TTBK2: variants seen among roughly 807,000 people sequenced by gnomAD.
TTBK2 encodes tau-tubulin kinase 2.
In TTBK2, 28 loss-of-function variants were observed where a neutral mutation model predicts 110.8. The ratio of observed to expected loss-of-function variants is 0.25; its 90% CI spans 0.19 to 0.35. The LOEUF is 0.35. Among genes scored for constraint, TTBK2 ranks in the 10% least tolerant of loss-of-function variants. The probability of loss-of-function intolerance (pLI) is 1.00; values close to 1 mark genes in which losing one functional copy is unlikely to be tolerated. For missense variants in TTBK2, 1,369 were observed against 1,500.3 expected (o/e 0.91, Z 1.45); for synonymous variants, 532 against 527.3 (o/e 1.01, Z -0.12).
intron 2 of TTBK2, among the ~76,000 whole-genome samples, chr15:42,878,225 G>A (rs1239091344): frequency 6.7e-6 from 1 of 150,264 alleles, no homozygotes; most frequent in Admixed American, 6.7e-5. Flanking sequence ...CTCGTGATCC[G>A]CCCGCCTCGG....
In TTBK2 at chr15:42,783,601, G is replaced by C; in HGVS notation, c.1015C>G (p.Leu339Val). Residue 339 changes from leucine (L) to valine (V), a missense_variant, in exon 11 of 15, where the codon CTT (leucine) becomes GTT (valine). Physicochemically the swap from Leu to Val is conservative, Grantham distance 32 (BLOSUM62 1). This residue lies in a region of TTBK2 where 1,097 missense variants were observed against 1,114.7 expected (regional missense o/e 0.98). Transcript: ENST00000267890. ...ANATPIPGDL[L>V]RENTDEVFPD... Reference sequence around the variant, plus strand: ...AATACCTCATCTGTATTTTCTCGAAGCAAGTCTCCAGGGATGGGAGTAGCA... The same window carrying C: ...AATACCTCATCTGTATTTTCTCGAACCAAGTCTCCAGGGATGGGAGTAGCA... 1 of 1,614,034 alleles carries C rather than the reference G, an allele frequency of 6.2e-7. No individual in the cohort carries two copies. The highest frequency in any genetic ancestry group is 8.5e-7 in the Non-Finnish European group (1 of 1,180,026).
chr15:42,745,049 A>G lies in TTBK2; in HGVS notation c.*746T>C, dbSNP rs887341765. The G allele has an allele frequency of 1.3e-5, 2 of 154,224 alleles. No homozygotes were observed. The highest frequency in any genetic ancestry group is 4.8e-5 in the African/African-American group (2 of 41,486). The allele number at this position is 154,224 out of a possible 1,614,324, so 9.6% of individuals were successfully genotyped here. On this transcript the variant is annotated 3_prime_UTR_variant, in exon 15 of 15. Coordinates refer to ENST00000267890, the MANE Select transcript of TTBK2 (RefSeq NM_173500.4). Reference sequence around the variant, plus strand: ...CTCTAGTTAGACTTTTCTTTCCTTTACCTAACTTTCTTATTTTTCATAATA... The same window carrying G: ...CTCTAGTTAGACTTTTCTTTCCTTTGCCTAACTTTCTTATTTTTCATAATA...
chr15:42,900,899 A>C (rs1324147404), intron 1 of TTBK2, among the ~76,000 whole-genome samples: 1 of 152,212 alleles, frequency 6.6e-6, no homozygotes, highest in Non-Finnish European at 1.5e-5. Flanking sequence ...TTTCAACAAG[A>C]GTCCCAAGAT....
intron 1 of TTBK2, chr15:42,919,739 C>T (rs1596061105): frequency 1.0e-6 from 1 of 964,108 alleles, no homozygotes; most frequent in Non-Finnish European, 1.2e-6. Context: ...AAGCAAAGTA[C>T]AACTCAATGT....
Position 42,752,413 on chromosome 15 carries a change from T to C in TTBK2, c.2833A>G (p.Ile945Val). The C allele has an allele frequency of 3.1e-6, 5 of 1,614,234 alleles. No individual in the cohort carries two copies. Among genetic ancestry groups the C allele is most frequent in the Non-Finnish European group, 4.2e-6 (5 of 1,180,040 alleles). ...TCTATCTCTTGTGCTAAAACAGGGA[T>C]TCGGCTGTGTCTAGTTACAAAGGAT... ...RSSFVTRHSR[I>V]PVLAQEIDST... The change falls in exon 14 of 15, where the codon ATC becomes GTC. Residue 945 changes from isoleucine to valine, a missense_variant. Ile to Val is a conservative substitution (Grantham distance 29, BLOSUM62 3). Coordinates refer to ENST00000267890, the MANE Select transcript of TTBK2 (RefSeq NM_173500.4).
chr15:42,774,525 T>C (rs1406138931), intron 13 of TTBK2, among the ~76,000 whole-genome samples: 3 of 152,006 alleles, frequency 2.0e-5, no homozygotes, highest in Non-Finnish European at 4.4e-5. Flanking sequence ...ACCTGTATCA[T>C]AAATGCCGCC....
intron 3 of TTBK2, among the ~76,000 whole-genome samples, chr15:42,848,591 A>G (rs959954041): frequency 6.6e-6 from 1 of 152,104 alleles, no homozygotes; most frequent in African/African-American, 2.4e-5. Context: ...CCCGGGTTAA[A>G]GCGATTATCC....
intron 1 of TTBK2, among the ~76,000 whole-genome samples, chr15:42,897,831 C>T (rs905778044): frequency 6.8e-6 from 1 of 147,972 alleles, no homozygotes; most frequent in Non-Finnish European, 1.5e-5. Context: ...GGTACACACA[C>T]ACACACACAC....
At chr15:42,800,573 T>C (rs950114571) in intron 9 of TTBK2, among the ~76,000 whole-genome samples, 9 of 152,144 alleles carry the variant, frequency 5.9e-5, no homozygotes, top group Non-Finnish European at 1.2e-4. Flanking sequence ...AGTTAATAAA[T>C]GGAAAATTAG....
At chr15:42,899,914 A>T (rs1222126404) in intron 1 of TTBK2, among the ~76,000 whole-genome samples, 1 of 151,744 alleles carries the variant, frequency 6.6e-6, no homozygotes, top group Non-Finnish European at 1.5e-5. Context: ...AGAAAAAAGA[A>T]AAGAAAAGTG....
In TTBK2 at chr15:42,814,449, C is replaced by T. The variant is rs142378059; in HGVS notation, c.603+2583G>A. Among the ~76,000 whole-genome samples, 435 of 152,040 alleles carry T rather than the reference C, an allele frequency of 2.9e-3. 1 individual carries two copies. The highest frequency in any genetic ancestry group is 5.1e-3 in the Non-Finnish European group (345 of 67,980). ...AAAATTAGCCAGGTACAGTGGTGTGCACCTGTGGTCCTAGCTACTGAGAAG... is the reference window on the plus strand; with the variant it reads ...AAAATTAGCCAGGTACAGTGGTGTGTACCTGTGGTCCTAGCTACTGAGAAG... On this transcript the variant is annotated intron_variant, in intron 7 of 14. Coordinates refer to ENST00000267890, the MANE Select transcript of TTBK2 (RefSeq NM_173500.4).
In TTBK2 at chr15:42,745,651, G is replaced by T; in HGVS notation, c.*144C>A. On this transcript the variant is annotated 3_prime_UTR_variant, in exon 15 of 15. Coordinates refer to ENST00000267890, the MANE Select transcript of TTBK2 (RefSeq NM_173500.4). ...TAGGTAATTCCTTATCATGTATTAT[G>T]TCTTCTTATAAATAATTGATCATGT... 1.0e-6 allele frequency: 1 copy of T among 996,332 alleles called. No individual in the cohort carries two copies. The highest frequency in any genetic ancestry group is 1.6e-6 in the Non-Finnish European group (1 of 639,312). 61.7% of individuals were successfully genotyped at this position (996,332 alleles called of 1,614,324 possible).
Position 42,777,025 on chromosome 15 carries a change from T to C in TTBK2, c.1409+6A>G. 3 of 1,613,752 alleles carry C rather than the reference T, an allele frequency of 1.9e-6. No individual in the cohort carries two copies. In the South Asian group the frequency reaches 3.3e-5, roughly 18 times the overall value. ...GCTTTAAAAAGAAAAATACACTATT[T>C]TATACCAGGTCTCAAGGAACTTGTC... is the stretch of plus-strand genomic sequence containing the variant. On this transcript the variant is annotated splice_donor_region_variant and intron_variant, in intron 12 of 14. Transcript: ENST00000267890.
intron 3 of TTBK2, among the ~76,000 whole-genome samples, chr15:42,853,211 G>A (rs1449673958): frequency 6.6e-6 from 1 of 151,972 alleles, no homozygotes. Flanking sequence ...CTCTCAGCTT[G>A]TGCTCTGTAG....
At chr15:42,802,189 G>C (rs778019698) in intron 9 of TTBK2, 1 of 1,131,822 alleles carries the variant, frequency 8.8e-7, no homozygotes, top group Non-Finnish European at 1.3e-6. Flanking sequence ...CAGGTTAAGA[G>C]GGCTCAGCAG....
At chr15:42,841,822 T>C (rs1406218560) in intron 3 of TTBK2, among the ~76,000 whole-genome samples, 1 of 152,140 alleles carries the variant, frequency 6.6e-6, no homozygotes, top group East Asian at 1.9e-4. Context: ...TGTATCAAAA[T>C]ATGAGAATAT....
In TTBK2 at chr15:42,743,186, A is replaced by G. The variant is rs1310641930; in HGVS notation, c.*2609T>C. 2 of 152,252 alleles carry G rather than the reference A, an allele frequency of 1.3e-5. No homozygotes were observed. Among genetic ancestry groups the G allele is most frequent in the Non-Finnish European group, 2.9e-5 (2 of 68,046 alleles). 9.4% of individuals were successfully genotyped at this position (152,252 alleles called of 1,614,324 possible). The stretch of plus-strand genomic sequence containing the variant: ...TAATTCTTTCCTCTACATGCAAAAT[A>G]AAATATTCTTAAACGATGGACTGTT... On this transcript the variant is annotated 3_prime_UTR_variant, in exon 15 of 15. Coordinates refer to ENST00000267890, the MANE Select transcript of TTBK2 (RefSeq NM_173500.4).
intron 11 of TTBK2, among the ~76,000 whole-genome samples, chr15:42,782,472 A>G (rs933068708): frequency 2.0e-5 from 3 of 152,196 alleles, no homozygotes; most frequent in Admixed American, 1.3e-4. Context: ...ATTTTTTTAA[A>G]TGTTTTGCAC....
chr15:42,900,192 C>T (rs1039762123), intron 1 of TTBK2, among the ~76,000 whole-genome samples: 1 of 151,576 alleles, frequency 6.6e-6, no homozygotes, highest in Admixed American at 6.6e-5. Context: ...GGGGTTTCAC[C>T]ATGTTGGTCA....
Sources: allele counts gnomAD v4.1 joint callset (sites outside exome capture counted in the v4.1 genomes callset), GRCh38; gene constraint gnomAD v4.1.1; regional missense constraint gnomAD v4.1.1; transcripts MANE v1.5; gene names NCBI Gene and HGNC (gene_info 2026-07-23, HGNC 2026-07-21).